Variants in AFTPH observed in about 807,000 individuals in gnomAD.
AFTPH encodes the protein aftiphilin protein.
A neutral mutation model predicts 72.5 loss-of-function variants in AFTPH; 7 were observed. That is an observed-to-expected ratio of 0.10 (90% confidence interval 0.05 to 0.18). The LOEUF (loss-of-function observed/expected upper bound fraction) is 0.18, where lower values mean the gene tolerates loss of function less well. Ranked by LOEUF, AFTPH falls within the 10% of genes least tolerant of loss-of-function variation. AFTPH has a pLI of 1.00. For synonymous variants in AFTPH, 337 were observed against 370.1 expected (o/e 0.91, Z 1.03); for missense variants, 979 against 1,060.5 (o/e 0.92, Z 1.07).
exon 2 of AFTPH, chr2:64,552,290 A>G (rs750906119): frequency 3.7e-6 from 6 of 1,614,128 alleles, no homozygotes; most frequent in Non-Finnish European, 5.1e-6. Context: ...GAGTCAATGA[A>G]CTGAATTCTG....
chr2:64,551,168 ACATTT>A (rs1023636581), intron 1 of AFTPH, among the ~76,000 whole-genome samples: 1 of 152,144 alleles, frequency 6.6e-6, no homozygotes, highest in Non-Finnish European at 1.5e-5. Context: ...TGGAATCCCC[ACATTT>A]CATTAATGTA....
intron 1 of AFTPH, chr2:64,525,586 A>G (rs1669209052): frequency 6.5e-6 from 1 of 154,102 alleles, no homozygotes; most frequent in South Asian, 2.0e-4. Context: ...TCCACCTCCT[A>G]TTCCGAGGAT....
At chr2:64,550,366 A>G (rs928074117) in intron 1 of AFTPH, among the ~76,000 whole-genome samples, 2 of 152,174 alleles carry the variant, frequency 1.3e-5, no homozygotes, top group African/African-American at 4.8e-5. Flanking sequence ...TGTCTCTGAA[A>G]AAAGAAAAAG....
chr2:64,590,013 G>A (rs1466646936), intron 8 of AFTPH, among the ~76,000 whole-genome samples: 1 of 148,660 alleles, frequency 6.7e-6, no homozygotes, highest in Non-Finnish European at 1.5e-5. Context: ...CTCTAAAATT[G>A]ACCTAGTCTT....
chr2:64,530,937 T>G (rs1202915108), intron 1 of AFTPH, among the ~76,000 whole-genome samples: 3 of 151,628 alleles, frequency 2.0e-5, no homozygotes, highest in Non-Finnish European at 2.9e-5. Flanking sequence ...TGTCAGGCAC[T>G]TGTAATCCCA....
At chr2:64,569,166 C>T in exon 4 of AFTPH, 1 of 1,613,964 alleles carries the variant, frequency 6.2e-7, no homozygotes, top group Non-Finnish European at 8.5e-7. Context: ...TGGGGCGGCT[C>T]CCATAGCAAC....
chr2:64,538,237 A>T (rs2103840723), intron 1 of AFTPH, among the ~76,000 whole-genome samples: 1 of 152,262 alleles, frequency 6.6e-6, no homozygotes, highest in South Asian at 2.1e-4. Context: ...TTCTAACCAG[A>T]TGTATTGGGT....
chr2:64,540,903 A>G (rs1478199556), intron 1 of AFTPH, among the ~76,000 whole-genome samples: 3 of 152,026 alleles, frequency 2.0e-5, no homozygotes, highest in Admixed American at 2.0e-4. Flanking sequence ...TCCCCTTCCA[A>G]GTTACTTGGA....
intron 7 of AFTPH, 39 bp from the exon 8 acceptor site, chr2:64,581,151 C>G (rs2104194609): frequency 6.6e-7 from 1 of 1,514,318 alleles, no homozygotes; most frequent in East Asian, 2.4e-5. Flanking sequence ...GGCTTACCTT[C>G]TGTGTGGCTG....
chr2:64,547,432 C>T (rs1670719603), intron 1 of AFTPH, among the ~76,000 whole-genome samples: 1 of 152,164 alleles, frequency 6.6e-6, no homozygotes, highest in Admixed American at 6.5e-5. Context: ...TCAGGTGGTG[C>T]ATGATTTCAG....
At chr2:64,542,737 G>A (rs1670332537) in intron 1 of AFTPH, among the ~76,000 whole-genome samples, 2 of 151,988 alleles carry the variant, frequency 1.3e-5, no homozygotes, top group Admixed American at 6.6e-5. Flanking sequence ...TATCTTTAGT[G>A]TGGTTATGCA....
At chr2:64,530,991 G>A (rs1356453914) in intron 1 of AFTPH, among the ~76,000 whole-genome samples, 1 of 149,224 alleles carries the variant, frequency 6.7e-6, no homozygotes, top group Non-Finnish European at 1.5e-5. Flanking sequence ...GAACCCGGGA[G>A]GTGGAGATTG....
chr2:64,572,812 AAAAAG>A, intron 5 of AFTPH, 129 bp from the exon 6 acceptor site: 1 of 1,268,848 alleles, frequency 7.9e-7, no homozygotes, highest in East Asian at 2.4e-5. Context: ...TTAAAAAAAA[AAAAAG>A]ACTAGTTCCT....
chr2:64,533,250 T>C (rs919287643), intron 1 of AFTPH, among the ~76,000 whole-genome samples: 1 of 151,834 alleles, frequency 6.6e-6, no homozygotes, highest in African/African-American at 2.4e-5. Flanking sequence ...ATATAAAAAA[T>C]TAGCCAGATA....
At chr2:64,580,698 A>G (rs928378894) in intron 7 of AFTPH, 1 of 152,798 alleles carries the variant, frequency 6.5e-6, no homozygotes, top group African/African-American at 2.4e-5. Flanking sequence ...ATGTTATTTT[A>G]TTTTAAACTA....
At chr2:64,577,556 G>A (rs1175986319) in intron 6 of AFTPH, among the ~76,000 whole-genome samples, 2 of 152,164 alleles carry the variant, frequency 1.3e-5, no homozygotes, top group Non-Finnish European at 2.9e-5. Context: ...AATCGTTATT[G>A]TATAAACCTA....
intron 1 of AFTPH, among the ~76,000 whole-genome samples, chr2:64,527,151 T>C (rs1175633022): frequency 1.3e-5 from 2 of 152,180 alleles, no homozygotes; most frequent in East Asian, 1.9e-4. Flanking sequence ...TACAAACATA[T>C]CTTTATATCC....
intron 1 of AFTPH, among the ~76,000 whole-genome samples, chr2:64,541,296 C>T (rs1340800027): frequency 6.6e-6 from 1 of 152,030 alleles, no homozygotes; most frequent in Non-Finnish European, 1.5e-5. Flanking sequence ...TCTTAAATAA[C>T]ATATTATGCA....
At chr2:64,592,054 T>C (rs1673861221) in exon 9 of AFTPH, 1 of 1,603,262 alleles carries the variant, frequency 6.2e-7, no homozygotes, top group Admixed American at 1.7e-5. Flanking sequence ...AATTGGACAG[T>C]TTCTATTGCT....
Sources: gnomAD v4.1 joint callset for allele counts (sites outside exome capture counted in the v4.1 genomes callset) on GRCh38, gnomAD v4.1.1 for gene constraint, MANE v1.5 for transcripts, NCBI Gene and HGNC (gene_info 2026-07-23, HGNC 2026-07-21) for gene names.